EPB41L5: variants seen among roughly 807,000 people sequenced by gnomAD.
EPB41L5 encodes the protein erythrocyte membrane protein band 4.1 like 5.
Under a neutral mutation model 106.6 loss-of-function variants are expected in EPB41L5, and 55 were observed. The ratio of observed to expected loss-of-function variants is 0.52; its 90% confidence interval spans 0.42 to 0.65. The LOEUF is 0.65. Ranked by LOEUF, EPB41L5 falls within the 30% of genes least tolerant of loss-of-function variation. The pLI, the probability that EPB41L5 is intolerant of heterozygous loss-of-function variation, is 0.00. For synonymous variants in EPB41L5, 297 were observed against 306.7 expected, an observed-to-expected ratio of 0.97 and a Z score of 0.33; for missense variants, 871 against 882.1, an observed-to-expected ratio of 0.99 and a Z score of 0.16.
intron 3 of EPB41L5, among the ~76,000 whole-genome samples, chr2:120,053,760 G>A (rs1680446308): frequency 1.3e-5 from 2 of 151,994 alleles, no homozygotes; most frequent in African/African-American, 4.8e-5. Context: ...CTACTATTTG[G>A]CTGTTATGAA....
chr2:120,111,862 C>T (rs1357042199), intron 16 of EPB41L5, among the ~76,000 whole-genome samples: 1 of 152,148 alleles, frequency 6.6e-6, no homozygotes, highest in African/African-American at 2.4e-5. Context: ...TTTTTCCTCC[C>T]TTTATCTTCT....
intron 2 of EPB41L5, among the ~76,000 whole-genome samples, chr2:120,034,690 C>CA (rs986791153): frequency 2.2e-3 from 322 of 146,506 alleles, no homozygotes; most frequent in African/African-American, 5.3e-3. Flanking sequence ...CAAAACAAAA[C>CA]AAAAAAAAAA....
intron 3 of EPB41L5, among the ~76,000 whole-genome samples, chr2:120,044,189 T>C (rs1261847377): frequency 6.6e-6 from 1 of 150,800 alleles, no homozygotes; most frequent in East Asian, 1.9e-4. Context: ...CATGAAAAAA[T>C]TGTGAAACTA....
intron 1 of EPB41L5, 51 bp from the exon 2 acceptor site, chr2:120,019,026 G>A: frequency 1.4e-6 from 2 of 1,477,844 alleles, no homozygotes; most frequent in Non-Finnish European, 1.9e-6. Context: ...TGCAAGTTGT[G>A]GAGAATCTCA....
intron 3 of EPB41L5, among the ~76,000 whole-genome samples, chr2:120,058,066 G>A (rs1680780232): frequency 6.6e-6 from 1 of 152,020 alleles, no homozygotes; most frequent in Admixed American, 6.6e-5. Flanking sequence ...AAGCAGGTTG[G>A]TGTGCACATT....
intron 16 of EPB41L5, among the ~76,000 whole-genome samples, chr2:120,124,214 T>A (rs2105455387): frequency 6.6e-6 from 1 of 152,316 alleles, no homozygotes; most frequent in South Asian, 2.1e-4. Flanking sequence ...CGTTCTTCAC[T>A]CCCCTCATTT....
intron 19 of EPB41L5, among the ~76,000 whole-genome samples, chr2:120,143,434 C>G (rs967982023): frequency 1.3e-5 from 2 of 152,124 alleles, no homozygotes; most frequent in African/African-American, 4.8e-5. Context: ...CACAACCCAT[C>G]TACCCTCAAT....
At position 120,176,075 on chromosome 2, in the gene EPB41L5, TTAAAA is replaced by T. The variant is rs1378944787; in HGVS notation, c.*1172_*1176del. On this transcript the variant is annotated 3_prime_UTR_variant, in exon 25 of 25. Transcript: ENST00000263713. ...GGCCTGTACAAAGAAATTCTGGATG[TTAAAA>T]TAATATATACTCATCACAGAAAAAT... The T allele has an allele frequency of 2.6e-5, 4 of 152,638 alleles. No homozygotes were observed. The highest frequency in any genetic ancestry group is 4.8e-5 in the African/African-American group (2 of 41,454). 9.5% of individuals were successfully genotyped at this position (152,638 alleles called of 1,614,324 possible).
At position 120,119,387 on chromosome 2, in the gene EPB41L5, T is replaced by C. The variant is rs150728486; in HGVS notation, c.1338-8301T>C. ...GATCCCATTTGTCAATTTTTGCTTT[T>C]GTTGCAGTTGCTTTTGGCATTTTCA... On this transcript the variant is annotated intron_variant, in intron 16 of 24. Coordinates refer to ENST00000263713, the MANE Select transcript of EPB41L5 (RefSeq NM_020909.4). 4.5e-4 allele frequency among the ~76,000 whole-genome samples: 68 copies of C among 152,316 alleles called. 2 individuals are homozygous for C. The East Asian group carries it at 0.012, about 28-fold the overall frequency.
chr2:120,110,069 G>A (rs1481347652), intron 16 of EPB41L5, among the ~76,000 whole-genome samples: 1 of 152,174 alleles, frequency 6.6e-6, no homozygotes, highest in Non-Finnish European at 1.5e-5. Context: ...CCATATAAAG[G>A]CTCTGCCTTG....
intron 16 of EPB41L5, among the ~76,000 whole-genome samples, chr2:120,115,674 G>A (rs1181747969): frequency 1.3e-5 from 2 of 151,976 alleles, no homozygotes; most frequent in East Asian, 3.9e-4. Context: ...ACAGACATGA[G>A]CCACCATGCC....
intron 3 of EPB41L5, among the ~76,000 whole-genome samples, chr2:120,065,689 G>A (rs765496187): frequency 4.0e-5 from 6 of 151,760 alleles, no homozygotes; most frequent in Non-Finnish European, 8.8e-5. Context: ...GCTAATTTTT[G>A]TATTTTTAGT....
intron 13 of EPB41L5, among the ~76,000 whole-genome samples, chr2:120,092,405 T>G (rs1683482279): frequency 6.6e-6 from 1 of 152,218 alleles, no homozygotes; most frequent in South Asian, 2.1e-4. Context: ...TAAATACCAT[T>G]TTAAAATATA....
intron 16 of EPB41L5, among the ~76,000 whole-genome samples, chr2:120,118,546 C>T (rs1685060586): frequency 6.6e-6 from 1 of 152,008 alleles, no homozygotes; most frequent in Admixed American, 6.6e-5. Flanking sequence ...TGTGTTGTTC[C>T]CCCTTCCTTG....
intron 3 of EPB41L5, among the ~76,000 whole-genome samples, chr2:120,047,291 G>A (rs113627382): frequency 0.05 from 7,607 of 152,274 alleles, 231 homozygotes; most frequent in African/African-American, 0.071. Context: ...TCCTATCCAT[G>A]AGCATGGAAT....
At chr2:120,164,966 C>A in intron 22 of EPB41L5, 56 bp downstream of exon 22, 1 of 1,299,384 alleles carries the variant, frequency 7.7e-7, no homozygotes, top group Non-Finnish European at 1.1e-6. Flanking sequence ...GAAAAATGTT[C>A]CTGCTAGATT....
chr2:120,153,483 A>G (rs926590054), intron 20 of EPB41L5, among the ~76,000 whole-genome samples: 1 of 152,120 alleles, frequency 6.6e-6, no homozygotes, highest in Non-Finnish European at 1.5e-5. Flanking sequence ...GGAGTGTTCT[A>G]TATATGTTCA....
At chr2:120,051,377 G>A (rs541628393) in intron 3 of EPB41L5, among the ~76,000 whole-genome samples, 9 of 152,172 alleles carry the variant, frequency 5.9e-5, no homozygotes, top group South Asian at 2.1e-4. Flanking sequence ...CCCCAGCCTC[G>A]CTGCCACCTT....
At chr2:120,171,788 A>T (rs1264821970) in intron 24 of EPB41L5, among the ~76,000 whole-genome samples, 3 of 152,238 alleles carry the variant, frequency 2.0e-5, no homozygotes, top group African/African-American at 4.8e-5. Flanking sequence ...GACACATTCC[A>T]GAGCTTTTCT....
Sources: gnomAD v4.1 joint callset for allele counts (sites outside exome capture counted in the v4.1 genomes callset) on GRCh38, gnomAD v4.1.1 for gene constraint, MANE v1.5 for transcripts, NCBI Gene and HGNC (gene_info 2026-07-23, HGNC 2026-07-21) for gene names.